The following RAB3GAP2 variants were observed in gnomAD, a reference collection of about 807,000 sequenced individuals.
RAB3GAP2 encodes rab3 GTPase-activating protein non-catalytic subunit.
RAB3GAP2 carries 87 observed loss-of-function variants against 185.3 expected under a neutral mutation model. The observed-to-expected ratio is 0.47, with a 90% CI of 0.39 to 0.56. RAB3GAP2 has a LOEUF of 0.56. Among genes scored for constraint, RAB3GAP2 ranks in the 20% least tolerant of loss-of-function variants. RAB3GAP2 has a pLI of 0.00. For missense variants in RAB3GAP2, 1,492 were observed against 1,638.2 expected (o/e 0.91, Z 1.54); for synonymous variants, 554 against 576.1 (o/e 0.96, Z 0.55).
At chr1:220,261,459 G>C (rs1660135827) in intron 1 of RAB3GAP2, among the ~76,000 whole-genome samples, 1 of 152,134 alleles carries the variant, frequency 6.6e-6, no homozygotes, top group African/African-American at 2.4e-5. Context: ...TACTGCAATA[G>C]CCTCCTAACT....
At chr1:220,198,661 T>C (rs1048293734) in intron 9 of RAB3GAP2, among the ~76,000 whole-genome samples, 2 of 152,210 alleles carry the variant, frequency 1.3e-5, no homozygotes, top group African/African-American at 4.8e-5. Flanking sequence ...TTAGGAATGA[T>C]ATAAGCATTA....
intron 21 of RAB3GAP2, 78 bp downstream of exon 21, chr1:220,182,179 T>TAAAA: frequency 8.5e-7 from 1 of 1,176,104 alleles, no homozygotes; most frequent in African/African-American, 1.6e-5. Flanking sequence ...AGACAATAGT[T>TAAAA]AAAAAAAAAA....
intron 1 of RAB3GAP2, among the ~76,000 whole-genome samples, chr1:220,244,634 C>A (rs867761928): frequency 1.3e-5 from 2 of 152,144 alleles, no homozygotes; most frequent in South Asian, 4.1e-4. Flanking sequence ...CTGGAGGTAT[C>A]GCATTACAGG....
At position 220,272,383 on chromosome 1, in the gene RAB3GAP2, C is replaced by T. The variant is rs757221414; in HGVS notation, c.-46G>A. 2 of 1,383,180 alleles carry T rather than the reference C, an allele frequency of 1.4e-6. No individual in the cohort carries two copies. Among genetic ancestry groups the T allele is most frequent in the Non-Finnish European group, 1.0e-6 (1 of 986,648 alleles). 85.7% of individuals were successfully genotyped at this position (1,383,180 alleles called of 1,614,324 possible). A position where few individuals can be genotyped will look rare whatever the true frequency, so the allele number is the denominator to read the frequency against. Reference sequence around the variant, plus strand: ...CGGCACTCACCTTACCTCACCACGCCCTGCCCCCTCCACCCCACTGCGGCC... The same window carrying T: ...CGGCACTCACCTTACCTCACCACGCTCTGCCCCCTCCACCCCACTGCGGCC... On this transcript the variant is annotated 5_prime_UTR_variant, in exon 1 of 35. Coordinates refer to ENST00000358951, the MANE Select transcript of RAB3GAP2 (RefSeq NM_012414.4).
chr1:220,224,919 G>A (rs1452323570), intron 2 of RAB3GAP2, among the ~76,000 whole-genome samples: 1 of 152,126 alleles, frequency 6.6e-6, no homozygotes, highest in Non-Finnish European at 1.5e-5. Context: ...AAAAGCAGGA[G>A]GCTTGGTTGC....
At chr1:220,256,969 T>C (rs1040094848) in intron 1 of RAB3GAP2, among the ~76,000 whole-genome samples, 2 of 152,300 alleles carry the variant, frequency 1.3e-5, no homozygotes, top group Admixed American at 6.5e-5. Flanking sequence ...CACATGACAC[T>C]TACTCTAAAA....
chr1:220,243,055 T>A (rs957943592), intron 1 of RAB3GAP2, among the ~76,000 whole-genome samples: 79 of 152,056 alleles, frequency 5.2e-4, no homozygotes, highest in East Asian at 5.8e-4. Flanking sequence ...TTTATTTTTT[T>A]AAAAAAAAGA....
chr1:220,221,796 T>C (rs1467547954), intron 2 of RAB3GAP2, among the ~76,000 whole-genome samples: 2 of 152,266 alleles, frequency 1.3e-5, no homozygotes, highest in Non-Finnish European at 2.9e-5. Flanking sequence ...ATTGTAGTAA[T>C]TAAATCAGTC....
At chr1:220,214,167 A>G (rs1386548116) in intron 2 of RAB3GAP2, among the ~76,000 whole-genome samples, 188 bp from the exon 3 acceptor site, 1 of 152,220 alleles carries the variant, frequency 6.6e-6, no homozygotes, top group Non-Finnish European at 1.5e-5. Flanking sequence ...CCCACTATAA[A>G]CAAATCTTCA....
chr1:220,202,487 A>G, intron 8 of RAB3GAP2, 113 bp from the exon 9 acceptor site: 1 of 1,094,954 alleles, frequency 9.1e-7, no homozygotes, highest in South Asian at 1.3e-5. Flanking sequence ...TAATAATGAC[A>G]CAAAGTAATG....
At chr1:220,270,845 C>T (rs935898204) in intron 1 of RAB3GAP2, among the ~76,000 whole-genome samples, 2 of 152,174 alleles carry the variant, frequency 1.3e-5, no homozygotes, top group African/African-American at 2.4e-5. Context: ...TTCAGAGAAA[C>T]GCCACAATTT....
intron 2 of RAB3GAP2, among the ~76,000 whole-genome samples, chr1:220,215,212 C>T (rs1316125453): frequency 2.0e-5 from 3 of 151,886 alleles, no homozygotes; most frequent in Admixed American, 6.6e-5. Context: ...GGAAGTGTAT[C>T]AGTAAGCTAA....
At chr1:220,186,074 A>G (rs1047929916) in intron 17 of RAB3GAP2, among the ~76,000 whole-genome samples, 1 of 152,228 alleles carries the variant, frequency 6.6e-6, no homozygotes, top group Non-Finnish European at 1.5e-5. Context: ...TGCCTATACT[A>G]TATAGGCATA....
In RAB3GAP2 at chr1:220,267,750, C is replaced by T. The variant is rs117698410; in HGVS notation, c.115+4473G>A. ...AAGCTTTTGTGCTTGCAAAGGAACA[C>T]GCTGCGAAGAATTTGAAGGACACAA... is the stretch of plus-strand genomic sequence containing the variant. On this transcript the variant is annotated intron_variant, in intron 1 of 34. Transcript: ENST00000358951. 1.5e-3 allele frequency: 2,257 copies of T among 1,549,530 alleles called. 16 individuals carry two copies. The East Asian group carries it at 0.02, about 14-fold the overall frequency.
intron 3 of RAB3GAP2, 125 bp downstream of exon 3, chr1:220,213,730 GT>G (rs370682557): frequency 8.0e-4 from 678 of 851,350 alleles, no homozygotes; most frequent in African/African-American, 8.4e-4. Flanking sequence ...CGGAGGAGGA[GT>G]TGGGGGGGGG....
chr1:220,159,560 C>T, intron 28 of RAB3GAP2, 139 bp from the exon 29 acceptor site: 1 of 652,002 alleles, frequency 1.5e-6, no homozygotes, highest in Non-Finnish European at 2.7e-6. Flanking sequence ...CATTAATTAG[C>T]TGTTGGCTCT....
chr1:220,221,288 G>A (rs1468354501), intron 2 of RAB3GAP2, among the ~76,000 whole-genome samples: 1 of 152,152 alleles, frequency 6.6e-6, no homozygotes, highest in African/African-American at 2.4e-5. Flanking sequence ...TGGGTGTGGT[G>A]TTAAAGTAAA....
chr1:220,224,832 T>C (rs1006603319), intron 2 of RAB3GAP2, among the ~76,000 whole-genome samples: 1 of 152,316 alleles, frequency 6.6e-6, no homozygotes, highest in African/African-American at 2.4e-5. Flanking sequence ...GAAGCTGCCC[T>C]AGTTGCATTG....
chr1:220,162,076 G>A, intron 28 of RAB3GAP2, 122 bp downstream of exon 28: 1 of 770,320 alleles, frequency 1.3e-6, no homozygotes, highest in Non-Finnish European at 2.2e-6. Flanking sequence ...AACTGAGTAT[G>A]AGTAAAATCT....
Sources: allele counts gnomAD v4.1 joint callset (sites outside exome capture counted in the v4.1 genomes callset), GRCh38; gene constraint gnomAD v4.1.1; transcripts MANE v1.5; gene names NCBI Gene and HGNC (gene_info 2026-07-23, HGNC 2026-07-21).